The following MSRB3 variants were observed in gnomAD, a reference collection of about 807,000 sequenced individuals.
MSRB3 encodes the protein methionine-R-sulfoxide reductase B3.
A neutral mutation model predicts 21.0 loss-of-function variants in MSRB3; 13 were observed. The ratio of observed to expected loss-of-function variants is 0.62; its 90% CI spans 0.40 to 0.98. The LOEUF (loss-of-function observed/expected upper bound fraction) is 0.98, where lower values mean the gene tolerates loss of function less well. Ranked by LOEUF, MSRB3 falls within the 50% of genes least tolerant of loss-of-function variation. The pLI is 0.00. For synonymous variants in MSRB3, 87 were observed against 88.6 expected (o/e 0.98, Z 0.10); for missense variants, 199 against 230.3 (o/e 0.86, Z 0.88).
rs568357410 is a variant in MSRB3, at chr12:65,295,427, A to G, written c.-51-13102A>G. On this transcript the variant is annotated intron_variant, in intron 1 of 6. Coordinates refer to ENST00000308259, the MANE Select transcript of MSRB3 (RefSeq NM_001031679.3). ...TTTAAGGATTATTTTTATCTTTTTCATTAAATCATACAACATTTACTGCAT... is the reference window on the plus strand; with the variant it reads ...TTTAAGGATTATTTTTATCTTTTTCGTTAAATCATACAACATTTACTGCAT... Among the ~76,000 whole-genome samples the G allele has an allele frequency of 2.0e-4, 30 of 150,890 alleles. No individual in the cohort carries two copies. In the South Asian group the frequency reaches 6.0e-3, roughly 30 times the overall value.
intron 4 of MSRB3, among the ~76,000 whole-genome samples, chr12:65,345,266 AT>A (rs887370557): frequency 6.6e-6 from 1 of 152,088 alleles, no homozygotes; most frequent in Admixed American, 6.6e-5. Context: ...TCATCAGACC[AT>A]TACATCTACA....
At chr12:65,337,348 C>A (rs896269810) in intron 4 of MSRB3, among the ~76,000 whole-genome samples, 14 of 145,740 alleles carry the variant, frequency 9.6e-5, no homozygotes, top group African/African-American at 3.6e-4. Flanking sequence ...GCAGGAGAAT[C>A]GCTTGAACCC....
chr12:65,419,506 A>G (rs1881164152), intron 5 of MSRB3: 2 of 741,060 alleles, frequency 2.7e-6, no homozygotes, highest in Non-Finnish European at 5.0e-6. Context: ...GCGCATGGCC[A>G]GCTCTGTGTC....
At chr12:65,308,449 A>G (rs750573391) in intron 1 of MSRB3, 80 bp from the exon 2 acceptor site, 164 of 1,537,536 alleles carry the variant, frequency 1.1e-4, no homozygotes, top group Non-Finnish European at 1.4e-4. Flanking sequence ...TAAAACTGTA[A>G]CCATCAGTTG....
At chr12:65,348,849 G>A (rs1192735014) in intron 4 of MSRB3, among the ~76,000 whole-genome samples, 2 of 152,154 alleles carry the variant, frequency 1.3e-5, no homozygotes, top group Admixed American at 6.6e-5. Flanking sequence ...TATGTACCCA[G>A]TAGTCATTCA....
chr12:65,380,270 G>T (rs1200372027), intron 5 of MSRB3, among the ~76,000 whole-genome samples: 1 of 152,192 alleles, frequency 6.6e-6, no homozygotes, highest in Admixed American at 6.5e-5. Flanking sequence ...AAACCAACTT[G>T]CCAGAACTGG....
At chr12:65,436,576 T>C (rs1428410165) in intron 5 of MSRB3, among the ~76,000 whole-genome samples, 1 of 151,908 alleles carries the variant, frequency 6.6e-6, no homozygotes, top group Non-Finnish European at 1.5e-5. Context: ...TTGGGTGTTA[T>C]AGCATCATTT....
intron 1 of MSRB3, among the ~76,000 whole-genome samples, chr12:65,292,724 A>G (rs1872732281): frequency 6.6e-6 from 1 of 152,156 alleles, no homozygotes; most frequent in Non-Finnish European, 1.5e-5. Context: ...AAAGATGAGC[A>G]GCAGCCCTGA....
chr12:65,413,129 A>G (rs1013906932), intron 5 of MSRB3, among the ~76,000 whole-genome samples: 1 of 152,192 alleles, frequency 6.6e-6, no homozygotes, highest in Non-Finnish European at 1.5e-5. Flanking sequence ...CTTGGTAATT[A>G]GTGCTTACCC....
intron 4 of MSRB3, among the ~76,000 whole-genome samples, chr12:65,366,226 C>A (rs1878006467): frequency 6.6e-6 from 1 of 152,156 alleles, no homozygotes; most frequent in Admixed American, 6.5e-5. Context: ...TTTTTCCCAT[C>A]TTTTAGGGCC....
At chr12:65,349,829 G>A (rs989547444) in intron 4 of MSRB3, among the ~76,000 whole-genome samples, 116 of 151,860 alleles carry the variant, frequency 7.6e-4, no homozygotes, top group African/African-American at 2.7e-3. Flanking sequence ...AGATAAGTAG[G>A]TTGCAAAAAT....
intron 1 of MSRB3, among the ~76,000 whole-genome samples, chr12:65,287,047 C>CA (rs1872400070): frequency 1.8e-5 from 2 of 110,870 alleles, no homozygotes; most frequent in South Asian, 6.2e-4. Flanking sequence ...AAAAAAAAAG[C>CA]AAAACCAAAA....
intron 5 of MSRB3, among the ~76,000 whole-genome samples, chr12:65,389,101 G>A (rs937344843): frequency 6.6e-6 from 1 of 152,116 alleles, no homozygotes; most frequent in African/African-American, 2.4e-5. Flanking sequence ...TCAGCATTGT[G>A]TGGAGTATCC....
chr12:65,343,398 A>G lies in MSRB3; in HGVS notation c.263+14795A>G, dbSNP rs190209102. ...TCAAATTTTCTCCCTCCTCATGACT[A>G]CCTTCCATCTTCCTGTAGCACTTAC... On this transcript the variant is annotated intron_variant, in intron 4 of 6. Transcript: ENST00000308259. 1.2e-3 allele frequency among the ~76,000 whole-genome samples: 182 copies of G among 152,052 alleles called. 1 individual carries two copies. Among genetic ancestry groups the G allele is most frequent in the Admixed American group, 4.0e-3 (61 of 15,240 alleles).
At chr12:65,280,742 A>G (rs1279605552) in intron 1 of MSRB3, among the ~76,000 whole-genome samples, 1 of 152,188 alleles carries the variant, frequency 6.6e-6, no homozygotes, top group Non-Finnish European at 1.5e-5. Flanking sequence ...GCAGCATACA[A>G]TGTAATTTAG....
chr12:65,287,790 C>A (rs1178371596), intron 1 of MSRB3, among the ~76,000 whole-genome samples: 1 of 152,068 alleles, frequency 6.6e-6, no homozygotes, highest in Non-Finnish European at 1.5e-5. Flanking sequence ...GCGTGCAGAG[C>A]CACTTGAAAA....
intron 5 of MSRB3, among the ~76,000 whole-genome samples, chr12:65,428,169 C>A (rs1167845643): frequency 6.6e-6 from 1 of 152,196 alleles, no homozygotes; most frequent in Non-Finnish European, 1.5e-5. Flanking sequence ...TTGTTGTCAT[C>A]TGCAGAGCAG....
At chr12:65,455,084 C>T (rs1287261052) in intron 6 of MSRB3, among the ~76,000 whole-genome samples, 1 of 152,140 alleles carries the variant, frequency 6.6e-6, no homozygotes, top group Admixed American at 6.5e-5. Context: ...AAGTGATTGC[C>T]ATATGGGCCT....
intron 5 of MSRB3, among the ~76,000 whole-genome samples, chr12:65,388,051 T>C (rs918895537): frequency 2.0e-5 from 3 of 152,182 alleles, no homozygotes; most frequent in Admixed American, 1.3e-4. Flanking sequence ...AACTAATAAT[T>C]TGTAATCTTT....
Sources: allele counts gnomAD v4.1 joint callset (sites outside exome capture counted in the v4.1 genomes callset), GRCh38; gene constraint gnomAD v4.1.1; transcripts MANE v1.5; gene names NCBI Gene and HGNC (gene_info 2026-07-23, HGNC 2026-07-21).